The following EIPR1 variants were observed in gnomAD, a reference collection of about 807,000 sequenced individuals.
EIPR1 encodes EARP and GARP complex-interacting protein 1.
EIPR1 carries 25 observed loss-of-function variants against 48.1 expected under a neutral mutation model. That is an observed-to-expected ratio of 0.52 (90% CI 0.38 to 0.73). The LOEUF (loss-of-function observed/expected upper bound fraction) is 0.73. Among genes scored for constraint, EIPR1 ranks in the 30% least tolerant of loss-of-function variants. EIPR1 has a pLI of 0.00. For synonymous variants in EIPR1, 204 were observed against 201.9 expected (o/e 1.01, Z -0.09); for missense variants, 415 against 506.2 (o/e 0.82, Z 1.73).
intron 5 of EIPR1, among the ~76,000 whole-genome samples, chr2:3,210,070 C>A (rs541904654): frequency 6.6e-6 from 1 of 151,904 alleles, no homozygotes; most frequent in South Asian, 2.1e-4. Context: ...TCAGTGATAA[C>A]AAAGGTCCCA....
At chr2:3,314,022 C>A (rs1425907226) in intron 3 of EIPR1, among the ~76,000 whole-genome samples, 1 of 152,194 alleles carries the variant, frequency 6.6e-6, no homozygotes, top group Non-Finnish European at 1.5e-5. Flanking sequence ...TGACCCAGCC[C>A]CCCTCTCACG....
chr2:3,238,254 C>T (rs556981184), intron 4 of EIPR1, among the ~76,000 whole-genome samples: 51 of 152,318 alleles, frequency 3.3e-4, no homozygotes, highest in Middle Eastern at 3.4e-3. Flanking sequence ...TACCCAGCAG[C>T]TCAGGACCGG....
chr2:3,255,901 T>A (rs1667140786), intron 4 of EIPR1, among the ~76,000 whole-genome samples: 1 of 152,200 alleles, frequency 6.6e-6, no homozygotes, highest in African/African-American at 2.4e-5. Flanking sequence ...AATGTCTATT[T>A]GCTGGGGATG....
intron 5 of EIPR1, among the ~76,000 whole-genome samples, chr2:3,198,302 C>T (rs1869420): frequency 0.87 from 132,510 of 151,710 alleles, 58,377 homozygotes; most frequent in Middle Eastern, 0.92. Flanking sequence ...CTGGTGTCCC[C>T]CCAGTCCTAT....
At chr2:3,321,995 G>A (rs1382014705) in intron 3 of EIPR1, among the ~76,000 whole-genome samples, 2 of 152,132 alleles carry the variant, frequency 1.3e-5, no homozygotes, top group Admixed American at 6.5e-5. Context: ...GCCAATTCTC[G>A]ACAGCATCTT....
intron 3 of EIPR1, among the ~76,000 whole-genome samples, chr2:3,258,205 A>T (rs1323026729): frequency 6.6e-6 from 1 of 152,186 alleles, no homozygotes; most frequent in Non-Finnish European, 1.5e-5. Context: ...GTGGATAGAG[A>T]CTCAACCTGC....
At chr2:3,226,668 C>T (rs1174013550) in intron 4 of EIPR1, among the ~76,000 whole-genome samples, 2 of 152,166 alleles carry the variant, frequency 1.3e-5, no homozygotes, top group African/African-American at 4.8e-5. Flanking sequence ...TGTGTCTTAT[C>T]CAAAAGATCA....
intron 1 of EIPR1, among the ~76,000 whole-genome samples, chr2:3,362,268 A>G (rs1358129062): frequency 6.6e-6 from 1 of 150,572 alleles, no homozygotes; most frequent in Non-Finnish European, 1.5e-5. Flanking sequence ...ATTCATACAC[A>G]GGGGGATGTG....
At chr2:3,273,540 C>A (rs1667760027) in intron 3 of EIPR1, among the ~76,000 whole-genome samples, 1 of 151,828 alleles carries the variant, frequency 6.6e-6, no homozygotes, top group Non-Finnish European at 1.5e-5. Context: ...CAAAAAAAAA[C>A]CCACTTGTTT....
intron 1 of EIPR1, among the ~76,000 whole-genome samples, chr2:3,370,088 C>T (rs1255901053): frequency 6.6e-6 from 1 of 152,144 alleles, no homozygotes; most frequent in Non-Finnish European, 1.5e-5. Flanking sequence ...CACGAAAATC[C>T]GCGGTTCTGC....
chr2:3,289,506 C>A (rs906068824), intron 3 of EIPR1, among the ~76,000 whole-genome samples: 8 of 152,162 alleles, frequency 5.3e-5, no homozygotes, highest in Admixed American at 4.6e-4. Flanking sequence ...CCACTCTGCA[C>A]CAGCCTCCTG....
chr2:3,332,141 C>A (rs184010509), intron 3 of EIPR1, among the ~76,000 whole-genome samples: 38 of 152,280 alleles, frequency 2.5e-4, no homozygotes, highest in Admixed American at 2.4e-3. Flanking sequence ...TACCCTAATT[C>A]AGAAACATAC....
At chr2:3,255,797 A>G (rs996396033) in intron 4 of EIPR1, among the ~76,000 whole-genome samples, 3 of 145,740 alleles carry the variant, frequency 2.1e-5, no homozygotes, top group African/African-American at 7.7e-5. Context: ...TGCAACGTGT[A>G]CACACATTAA....
At chr2:3,235,749 A>G (rs962467053) in intron 4 of EIPR1, among the ~76,000 whole-genome samples, 68 of 152,248 alleles carry the variant, frequency 4.5e-4, no homozygotes, top group African/African-American at 1.6e-3. Flanking sequence ...AATTACCAGA[A>G]AGGACATCAA....
chr2:3,319,733 ATACCACACCTGCGGG>A (rs1669443067), intron 3 of EIPR1: 1 of 165,196 alleles, frequency 6.1e-6, no homozygotes, highest in Admixed American at 6.9e-5. Context: ...AGGCAGAGCA[ATACCACACCTGCGGG>A]CAACACCGCA....
chr2:3,255,744 T>G (rs920159164), intron 4 of EIPR1, among the ~76,000 whole-genome samples: 3 of 152,214 alleles, frequency 2.0e-5, no homozygotes, highest in Non-Finnish European at 4.4e-5. Context: ...ACCACTGACC[T>G]GCGCAGAGTC....
intron 1 of EIPR1, among the ~76,000 whole-genome samples, chr2:3,367,206 G>A (rs1670997000): frequency 6.6e-6 from 1 of 151,982 alleles, no homozygotes; most frequent in African/African-American, 2.4e-5. Context: ...GTCTTGGGTG[G>A]GTAAATCCAC....
chr2:3,258,326 T>C (rs1208931818), intron 3 of EIPR1, among the ~76,000 whole-genome samples: 7 of 152,252 alleles, frequency 4.6e-5, no homozygotes, highest in Non-Finnish European at 1.0e-4. Flanking sequence ...TTCTTGAACA[T>C]AAATCCTTTC....
chr2:3,220,927 C>T (rs575318710), intron 4 of EIPR1, among the ~76,000 whole-genome samples: 58 of 150,808 alleles, frequency 3.8e-4, no homozygotes, highest in African/African-American at 1.3e-3. Context: ...GGCCATGGTA[C>T]ATTTTACAGC....
Sources: allele counts gnomAD v4.1 joint callset (sites outside exome capture counted in the v4.1 genomes callset), GRCh38; gene constraint gnomAD v4.1.1; transcripts MANE v1.5; gene names NCBI Gene and HGNC (gene_info 2026-07-23, HGNC 2026-07-21).